IGDCC4: variants seen among roughly 807,000 people sequenced by gnomAD.
The protein encoded by IGDCC4 is likely ortholog of mouse neighbor of Punc E11.
A neutral mutation model predicts 116.6 loss-of-function variants in IGDCC4; 72 were observed. The ratio of observed to expected loss-of-function variants is 0.62; its 90% confidence interval spans 0.51 to 0.75. IGDCC4 has a LOEUF of 0.75. Among genes scored for constraint, IGDCC4 ranks in the 30% least tolerant of loss-of-function variants. IGDCC4 has a pLI of 0.00. For missense variants in IGDCC4, 1,501 were observed against 1,662.4 expected (o/e 0.90, Z 1.69); for synonymous variants, 709 against 719.9 (o/e 0.98, Z 0.24).
rs763861296 is a variant in IGDCC4 at position 65,385,947 on chromosome 15, C to A, written c.3064G>T (p.Val1022Leu). ...GACCAGTCCTGGGGATGGGGGTGCACAAGGGACTCCAATTCATGGGCAGCT... is the reference window on the plus strand; with the variant it reads ...GACCAGTCCTGGGGATGGGGGTGCAAAAGGGACTCCAATTCATGGGCAGCT... ...PPAAHELESL[V>L]HPHPQDWSPP... Residue 1022 changes from valine (V) to leucine (L), a missense_variant, in exon 18 of 20, where the codon GTG (valine) becomes TTG (leucine). Physicochemically the swap from Val to Leu is conservative, Grantham distance 32. Around this residue, in one of 3 missense-constraint regions of IGDCC4, gnomAD observed 368 missense variants for 355.6 expected, o/e 1.03. Transcript: ENST00000352385. The A allele has an allele frequency of 1.9e-6, 3 of 1,599,642 alleles. No homozygotes were observed. Among genetic ancestry groups the A allele is most frequent in the South Asian group, 2.2e-5 (2 of 90,366 alleles).
intron 12 of IGDCC4, 135 bp from the exon 13 acceptor site, chr15:65,390,473 A>G: frequency 3.2e-6 from 2 of 632,532 alleles, no homozygotes; most frequent in Admixed American, 3.5e-5. Context: ...CATCATTCCT[A>G]CTTCACAGAT....
In IGDCC4 at chr15:65,395,109, G is replaced by T; in HGVS notation, c.1561C>A (p.His521Asn). The T allele has an allele frequency of 6.2e-7, 1 of 1,612,176 alleles. No homozygotes were observed. The change falls in exon 8 of 20, where the codon CAC becomes AAC. Residue 521 changes from histidine to asparagine, a missense_variant. His to Asn is a moderately conservative substitution (Grantham distance 68). Around this residue, in one of 3 missense-constraint regions of IGDCC4, gnomAD observed 898 missense variants for 978.9 expected, o/e 0.92. Transcript: ENST00000352385. ...ASRTSTPALVHTLDDVPSAAP... is the reference protein window; with the variant it reads ...ASRTSTPALVNTLDDVPSAAP... ...GAGGCCCTACCATCATCCAGTGTGTGCACCAGTGCTGGGGTGGAGGTGCGG... is the reference window on the plus strand; with the variant it reads ...GAGGCCCTACCATCATCCAGTGTGTTCACCAGTGCTGGGGTGGAGGTGCGG...
In IGDCC4 at chr15:65,402,380, T is replaced by A; in HGVS notation, c.671A>T (p.Gln224Leu). ...ATNSARQHFS[Q>L]EALLSVAHRG... ...GTGGGCCACACTGAGTAGGGCCTCCTGGCTGAAGTGCTGGCGAGCTGAGTT... is the reference window on the plus strand; with the variant it reads ...GTGGGCCACACTGAGTAGGGCCTCCAGGCTGAAGTGCTGGCGAGCTGAGTT... Residue 224 changes from glutamine (Q) to leucine (L), a missense_variant, in exon 4 of 20, where the codon CAG becomes CTG. By Grantham distance (113) the Gln-to-Leu change is moderately radical. This residue lies in a region of IGDCC4 where 898 missense variants were observed against 978.9 expected (regional missense o/e 0.92). Coordinates refer to ENST00000352385, the MANE Select transcript of IGDCC4 (RefSeq NM_020962.3). 1 of 1,571,100 alleles carries A rather than the reference T, an allele frequency of 6.4e-7. No homozygotes were observed.
Position 65,384,235 on chromosome 15 carries a change from C to T in IGDCC4, c.3527G>A (p.Gly1176Glu). The change falls in exon 20 of 20, where the codon GGG (glycine) becomes GAG (glutamate). Residue 1176 changes from glycine to glutamate, a missense_variant. Physicochemically the swap from Gly to Glu is moderately conservative, Grantham distance 98. Transcript: ENST00000352385. This position sits in a 1 kb window ranked among gnomAD's most constrained non-coding sequence, Gnocchi z 4.9. ...LISGVGDPGQ[G>E]AAWLDRELGG... ...CAACTCCCTGTCCAGCCAGGCTGCC[C>T]CCTGCCCTGGATCCCCAACACCCGA... The T allele has an allele frequency of 6.2e-7, 1 of 1,600,062 alleles. No individual in the cohort carries two copies. The highest frequency in any genetic ancestry group is 8.5e-7 in the Non-Finnish European group (1 of 1,170,170).
chr15:65,406,938 T>C (rs964021578), intron 3 of IGDCC4, among the ~76,000 whole-genome samples: 2 of 152,086 alleles, frequency 1.3e-5, no homozygotes, highest in African/African-American at 4.8e-5. Flanking sequence ...ACTTCTCTGC[T>C]CCCAGCCACA....
intron 3 of IGDCC4, among the ~76,000 whole-genome samples, chr15:65,409,724 G>C (rs745355482): frequency 1.3e-5 from 2 of 152,248 alleles, no homozygotes; most frequent in Non-Finnish European, 2.9e-5. Context: ...CCACTGGATG[G>C]AATTGAGAGA....
chr15:65,406,530 C>T (rs1178642492), intron 3 of IGDCC4, among the ~76,000 whole-genome samples: 2 of 152,150 alleles, frequency 1.3e-5, no homozygotes, highest in African/African-American at 4.8e-5. Context: ...AGCACATACA[C>T]CCTGACGCAG....
intron 3 of IGDCC4, among the ~76,000 whole-genome samples, chr15:65,403,809 GA>G (rs1200648428): frequency 2.0e-5 from 3 of 152,192 alleles, no homozygotes; most frequent in Admixed American, 2.0e-4. Context: ...TAAAGAAATA[GA>G]AAGGTCCAGA....
In IGDCC4 at chr15:65,410,734, C is replaced by A. The variant is rs577766354; in HGVS notation, c.421+286G>T. On this transcript the variant is annotated intron_variant, in intron 2 of 19. Coordinates refer to ENST00000352385, the MANE Select transcript of IGDCC4 (RefSeq NM_020962.3). ...TTGTGCCTCTGACACAAAGGGGGCACTCTGGCAGGCTCCCTGGAGGACAGC... is the reference window on the plus strand; with the variant it reads ...TTGTGCCTCTGACACAAAGGGGGCAATCTGGCAGGCTCCCTGGAGGACAGC... 133 of 488,570 alleles carry A rather than the reference C, an allele frequency of 2.7e-4. No individual in the cohort carries two copies. In the East Asian group the frequency reaches 4.5e-3, roughly 17 times the overall value. 30.3% of individuals were successfully genotyped at this position (488,570 alleles called of 1,614,324 possible).
chr15:65,396,286 C>T (rs1243995188), intron 6 of IGDCC4, 123 bp from the exon 7 acceptor site: 1 of 1,078,564 alleles, frequency 9.3e-7, no homozygotes, highest in Non-Finnish European at 1.4e-6. Flanking sequence ...ACTTTAACCT[C>T]TCCCTGATTC....
At chr15:65,386,748 C>G in intron 16 of IGDCC4, 92 bp from the exon 17 acceptor site, 2 of 886,410 alleles carry the variant, frequency 2.3e-6, no homozygotes, top group Non-Finnish European at 3.5e-6. Context: ...TCAGGAGACA[C>G]CAGCTGGACC....
chr15:65,390,003 G>A, intron 13 of IGDCC4, 152 bp downstream of exon 13: 2 of 644,778 alleles, frequency 3.1e-6, no homozygotes, highest in Non-Finnish European at 5.1e-6. Flanking sequence ...ACCCTGTGCA[G>A]CCCCTCTGTG....
intron 1 of IGDCC4, among the ~76,000 whole-genome samples, chr15:65,415,929 T>A (rs1049781807): frequency 6.6e-6 from 1 of 152,070 alleles, no homozygotes; most frequent in East Asian, 1.9e-4. Flanking sequence ...GGGGGTGTGG[T>A]GGGACAAGCC....
intron 1 of IGDCC4, among the ~76,000 whole-genome samples, chr15:65,416,613 C>T (rs969565906): frequency 2.6e-5 from 4 of 152,260 alleles, no homozygotes; most frequent in Admixed American, 2.6e-4. Context: ...ACTGTCATGG[C>T]TGACCCCCAA....
At chr15:65,405,597 G>A (rs772820674) in intron 3 of IGDCC4, among the ~76,000 whole-genome samples, 18 of 152,048 alleles carry the variant, frequency 1.2e-4, no homozygotes, top group Non-Finnish European at 2.2e-4. Context: ...ATTAGATAAC[G>A]GACATAAACA....
At position 65,383,931 on chromosome 15, in the gene IGDCC4, G is replaced by A; in HGVS notation, c.*78C>T. 1.5e-6 allele frequency: 2 copies of A among 1,348,470 alleles called. No individual in the cohort carries two copies. The highest frequency in any genetic ancestry group is 2.0e-6 in the Non-Finnish European group (2 of 1,001,402). 83.5% of individuals were successfully genotyped at this position (1,348,470 alleles called of 1,614,324 possible). ...TGATGATGTATCTACAGGCACACATGTGGACATACACGGCCACAGGTATCG... is the reference window on the plus strand; with the variant it reads ...TGATGATGTATCTACAGGCACACATATGGACATACACGGCCACAGGTATCG... On this transcript the variant is annotated 3_prime_UTR_variant, in exon 20 of 20. Coordinates refer to ENST00000352385, the MANE Select transcript of IGDCC4 (RefSeq NM_020962.3).
chr15:65,395,629 C>T lies in IGDCC4; in HGVS notation c.1411+121G>A, dbSNP rs192434804. On this transcript the variant is annotated intron_variant, in intron 7 of 19. Transcript: ENST00000352385. ...GCGGGTCTCTCCTATGGGCTCCTAC[C>T]CCAGTCCATCCTTGCCGCAGAGGTA... 4.4e-6 allele frequency: 5 copies of T among 1,140,220 alleles called. 1 individual carries two copies. In the South Asian group the frequency reaches 7.7e-5, roughly 18 times the overall value. 70.6% of individuals were successfully genotyped at this position (1,140,220 alleles called of 1,614,324 possible).
intron 10 of IGDCC4, among the ~76,000 whole-genome samples, chr15:65,392,986 A>G (rs1469813958): frequency 1.3e-5 from 2 of 152,212 alleles, no homozygotes; most frequent in African/African-American, 4.8e-5. Flanking sequence ...CGGTTTGGTC[A>G]GCATTTAATC....
At chr15:65,389,531 C>T in intron 13 of IGDCC4, 120 bp from the exon 14 acceptor site, 4 of 1,413,486 alleles carry the variant, frequency 2.8e-6, no homozygotes, top group Non-Finnish European at 2.0e-6. Flanking sequence ...GGAAGGGAAG[C>T]TGCTCCCTGG....
Sources: allele counts gnomAD v4.1 joint callset (sites outside exome capture counted in the v4.1 genomes callset), GRCh38; gene constraint gnomAD v4.1.1; regional missense constraint gnomAD v4.1.1; non-coding constraint Gnocchi (gnomAD v3.1); transcripts MANE v1.5; gene names NCBI Gene and HGNC (gene_info 2026-07-23, HGNC 2026-07-21).